The following RBFOX1 variants were observed in gnomAD, a reference collection of about 807,000 sequenced individuals.
The protein encoded by RBFOX1 is RNA binding fox-1 homolog 1.
Under a neutral mutation model 57.7 loss-of-function variants are expected in RBFOX1, and 8 were observed. The observed-to-expected ratio is 0.14, with a 90% confidence interval of 0.08 to 0.25. The LOEUF (loss-of-function observed/expected upper bound fraction) is 0.25. Ranked by LOEUF, RBFOX1 falls within the 10% of genes least tolerant of loss-of-function variation. The pLI is 1.00. For missense variants in RBFOX1, 611 were observed against 548.5 expected (o/e 1.11, Z -1.14); for synonymous variants, 326 against 222.4 (o/e 1.47, Z -4.15).
chr16:6,154,439 G>T (rs1009832740), intron 1 of RBFOX1, among the ~76,000 whole-genome samples: 2 of 152,184 alleles, frequency 1.3e-5, no homozygotes, highest in African/African-American at 4.8e-5. Flanking sequence ...CGTAGGCAGG[G>T]TATTGCATCT....
chr16:7,619,085 G>A (rs2058907559), intron 10 of RBFOX1, among the ~76,000 whole-genome samples: 1 of 152,170 alleles, frequency 6.6e-6, no homozygotes, highest in Non-Finnish European at 1.5e-5. Flanking sequence ...CTGTTATTTT[G>A]TTGAGAGATT....
intron 3 of RBFOX1, among the ~76,000 whole-genome samples, chr16:5,712,551 T>A (rs2051531836): frequency 6.6e-6 from 1 of 152,184 alleles, no homozygotes; most frequent in South Asian, 2.1e-4. Context: ...CGGCTGGTGT[T>A]CTAGGGGCTT....
intron 3 of RBFOX1, among the ~76,000 whole-genome samples, chr16:6,943,864 A>G (rs929592216): frequency 1.3e-5 from 2 of 152,090 alleles, no homozygotes; most frequent in Admixed American, 1.3e-4. Flanking sequence ...CTTTTTCTGT[A>G]CCTCACTGCT....
chr16:6,641,188 G>A (rs939142136), intron 2 of RBFOX1, among the ~76,000 whole-genome samples: 2 of 152,086 alleles, frequency 1.3e-5, no homozygotes, highest in Non-Finnish European at 2.9e-5. Context: ...TTTGCAAACT[G>A]CATCTTGGCT....
At chr16:5,809,838 G>T (rs1055603996) in intron 3 of RBFOX1, among the ~76,000 whole-genome samples, 2 of 152,092 alleles carry the variant, frequency 1.3e-5, no homozygotes, top group African/African-American at 4.8e-5. Flanking sequence ...TATACCCAAA[G>T]GACTATAAAT....
intron 2 of RBFOX1, among the ~76,000 whole-genome samples, chr16:5,533,380 A>C (rs982701548): frequency 6.6e-6 from 1 of 152,190 alleles, no homozygotes; most frequent in African/African-American, 2.4e-5. Flanking sequence ...CGGCAGAGAT[A>C]AGAAGTAATC....
At chr16:6,128,988 A>G (rs1423919251) in intron 1 of RBFOX1, among the ~76,000 whole-genome samples, 3 of 152,220 alleles carry the variant, frequency 2.0e-5, no homozygotes, top group East Asian at 3.8e-4. Context: ...ACCTAGCACA[A>G]CAGGATCAAA....
intron 3 of RBFOX1, among the ~76,000 whole-genome samples, chr16:6,815,587 A>G (rs777628466): frequency 6.6e-6 from 1 of 152,208 alleles, no homozygotes; most frequent in Non-Finnish European, 1.5e-5. Flanking sequence ...TCCTCCCGTC[A>G]TTAATCTCAT....
At chr16:5,439,658 A>G (rs572016173) in intron 1 of RBFOX1, among the ~76,000 whole-genome samples, 1 of 152,018 alleles carries the variant, frequency 6.6e-6, no homozygotes, top group Non-Finnish European at 1.5e-5. Context: ...GATGAGAAAG[A>G]CGGGCCTCAC....
chr16:7,074,202 T>C (rs768063231), intron 4 of RBFOX1, among the ~76,000 whole-genome samples: 1 of 152,170 alleles, frequency 6.6e-6, no homozygotes, highest in Non-Finnish European at 1.5e-5. Context: ...AGGATTGAAG[T>C]AGACAAGGAC....
chr16:6,812,647 G>C lies in RBFOX1; in HGVS notation c.-16+157997G>C, dbSNP rs558257942. On this transcript the variant is annotated intron_variant, in intron 3 of 15. Coordinates refer to ENST00000550418, the MANE Select transcript of RBFOX1 (RefSeq NM_018723.4). ...CCGCCTCAGCCTACCACAGTGCTGG[G>C]ATTACAGGCGTGAGCTACCACGCCT... is the stretch of plus-strand genomic sequence containing the variant. Among the ~76,000 whole-genome samples the C allele has an allele frequency of 4.6e-5, 7 of 152,316 alleles. No individual in the cohort carries two copies. In the East Asian group the frequency reaches 1.4e-3, roughly 29 times the overall value.
At chr16:5,331,738 TA>T (rs1231452864) in intron 1 of RBFOX1, among the ~76,000 whole-genome samples, 1 of 152,232 alleles carries the variant, frequency 6.6e-6, no homozygotes, top group African/African-American at 2.4e-5. Flanking sequence ...ACCATTCCTG[TA>T]ATTCCCCATG....
At chr16:7,083,137 A>G (rs1422928624) in intron 4 of RBFOX1, among the ~76,000 whole-genome samples, 2 of 152,184 alleles carry the variant, frequency 1.3e-5, no homozygotes, top group Non-Finnish European at 2.9e-5. Flanking sequence ...CAATTTGGTT[A>G]TGAGCAGAAT....
chr16:6,343,700 C>G (rs1162449167), intron 2 of RBFOX1, among the ~76,000 whole-genome samples: 1 of 152,154 alleles, frequency 6.6e-6, no homozygotes, highest in Non-Finnish European at 1.5e-5. Context: ...AAAATTAATA[C>G]AAATGCATGT....
chr16:7,689,152 A>G lies in RBFOX1; in HGVS notation c.995+12314A>G, dbSNP rs959778888. On this transcript the variant is annotated intron_variant, in intron 14 of 15. Transcript: ENST00000550418. ...GTATGACACTTGGCAACTTGCAGTC[A>G]TAAGTGCCCCATCAGTGTTAGATAG... 3.3e-5 allele frequency among the ~76,000 whole-genome samples: 5 copies of G among 152,306 alleles called. No homozygotes were observed. In the South Asian group the frequency reaches 8.3e-4, roughly 25 times the overall value.
At chr16:7,454,013 G>T (rs1252661715) in intron 4 of RBFOX1, among the ~76,000 whole-genome samples, 1 of 152,166 alleles carries the variant, frequency 6.6e-6, no homozygotes, top group African/African-American at 2.4e-5. Context: ...CGGGTGGATT[G>T]CCTGAGGTCA....
intron 4 of RBFOX1, among the ~76,000 whole-genome samples, chr16:7,479,697 G>A (rs576534568): frequency 6.6e-6 from 1 of 152,244 alleles, no homozygotes; most frequent in South Asian, 2.1e-4. Context: ...TCTCTCCGAG[G>A]GGAAGTGGGG....
At chr16:7,089,792 G>A (rs1208785983) in intron 4 of RBFOX1, among the ~76,000 whole-genome samples, 60 of 152,188 alleles carry the variant, frequency 3.9e-4, no homozygotes. Flanking sequence ...TCAGACCAAT[G>A]CATTTTAGGG....
chr16:5,435,512 T>C (rs888129506), intron 1 of RBFOX1, among the ~76,000 whole-genome samples: 1 of 152,148 alleles, frequency 6.6e-6, no homozygotes, highest in Admixed American at 6.5e-5. Flanking sequence ...CTCTGTAAGA[T>C]GGGTCAGTGT....
Sources: gnomAD v4.1 joint callset for allele counts (sites outside exome capture counted in the v4.1 genomes callset) on GRCh38, gnomAD v4.1.1 for gene constraint, MANE v1.5 for transcripts, NCBI Gene and HGNC (gene_info 2026-07-23, HGNC 2026-07-21) for gene names.